The following STAU2 variants were observed in gnomAD, a reference collection of about 807,000 sequenced individuals.
The protein encoded by STAU2 is staufen double-stranded RNA binding protein 2.
STAU2 carries 20 observed loss-of-function variants against 65.9 expected under a neutral mutation model. That is an observed-to-expected ratio of 0.30 (90% CI 0.21 to 0.44). The LOEUF (loss-of-function observed/expected upper bound fraction) is 0.44, where lower values mean the gene tolerates loss of function less well. Among genes scored for constraint, STAU2 ranks in the 20% least tolerant of loss-of-function variants. The pLI, the probability that STAU2 is intolerant of heterozygous loss-of-function variation, is 1.00. For synonymous variants in STAU2, 232 were observed against 233.9 expected, an observed-to-expected ratio of 0.99 and a Z score of 0.07; for missense variants, 558 against 683.9, an observed-to-expected ratio of 0.82 and a Z score of 2.05.
chr8:73,739,330 GA>G (rs796738715), intron 2 of STAU2, among the ~76,000 whole-genome samples: 13 of 151,182 alleles, frequency 8.6e-5, no homozygotes, highest in African/African-American at 3.2e-4. Flanking sequence ...ATCTTGTAAT[GA>G]AAAAAAGTTT....
At chr8:73,669,751 T>C (rs1016994033) in intron 6 of STAU2, among the ~76,000 whole-genome samples, 4 of 152,086 alleles carry the variant, frequency 2.6e-5, no homozygotes, top group African/African-American at 7.2e-5. Flanking sequence ...CCACTTCTTA[T>C]TGACTGACTA....
chr8:73,699,817 TG>T, intron 4 of STAU2, among the ~76,000 whole-genome samples: 1 of 145,934 alleles, frequency 6.9e-6, no homozygotes, highest in East Asian at 2.1e-4. Flanking sequence ...AAACTCATTC[TG>T]TGAGGCCAGT....
chr8:73,453,222 A>G (rs1818892488), intron 13 of STAU2, among the ~76,000 whole-genome samples: 1 of 152,254 alleles, frequency 6.6e-6, no homozygotes, highest in African/African-American at 2.4e-5. Context: ...AAACAAAGAA[A>G]CAAACAAAAG....
At chr8:73,564,357 G>A (rs764780642) in intron 12 of STAU2, among the ~76,000 whole-genome samples, 5 of 152,126 alleles carry the variant, frequency 3.3e-5, no homozygotes, top group African/African-American at 7.2e-5. Context: ...TGGAGCTGGA[G>A]GCCATTTTCC....
chr8:73,476,744 T>G lies in STAU2; in HGVS notation c.1531-54042A>C, dbSNP rs1228942613. Among the ~76,000 whole-genome samples the G allele has an allele frequency of 2.6e-5, 4 of 152,098 alleles. No individual in the cohort carries two copies. In the East Asian group the frequency reaches 7.7e-4, roughly 29 times the overall value. ...CCCTCAGATCACTGGGGGGTGTAGA[T>G]TGTACTTTCCTCTCAAATCTGAGGA... is the stretch of plus-strand genomic sequence containing the variant. On this transcript the variant is annotated intron_variant, in intron 13 of 14. Coordinates refer to ENST00000524300, the MANE Select transcript of STAU2 (RefSeq NM_001164380.2).
intron 13 of STAU2, among the ~76,000 whole-genome samples, chr8:73,427,731 C>A (rs974138188): frequency 1.3e-5 from 2 of 152,266 alleles, no homozygotes; most frequent in Non-Finnish European, 1.5e-5. Context: ...CTCCAAGGAC[C>A]AATCCATGCC....
chr8:73,651,394 G>T, intron 6 of STAU2: 1 of 665,242 alleles, frequency 1.5e-6, no homozygotes, highest in Non-Finnish European at 2.8e-6. Context: ...CCAGGGAAAT[G>T]CAGCTGTCGG....
intron 13 of STAU2, among the ~76,000 whole-genome samples, chr8:73,424,217 T>C (rs1349627861): frequency 6.6e-6 from 1 of 150,452 alleles, no homozygotes; most frequent in Non-Finnish European, 1.5e-5. Flanking sequence ...TTTTTTTTTT[T>C]TTTGACTGAG....
intron 5 of STAU2, among the ~76,000 whole-genome samples, chr8:73,683,411 C>A (rs1420227579): frequency 6.6e-6 from 1 of 152,048 alleles, no homozygotes; most frequent in Non-Finnish European, 1.5e-5. Flanking sequence ...ATCCAGCATC[C>A]CTATATGATT....
intron 9 of STAU2, among the ~76,000 whole-genome samples, chr8:73,611,956 T>C (rs576699705): frequency 6.6e-6 from 1 of 152,294 alleles, no homozygotes; most frequent in Admixed American, 6.5e-5. Flanking sequence ...GTGCTGGGAT[T>C]ACAGGCATGA....
rs3032943 is a variant in STAU2, at chr8:73,495,662, AATATATATATAT to A, written c.1530+56338_1530+56349del. On this transcript the variant is annotated intron_variant, in intron 13 of 14. Transcript: ENST00000524300. ...CTCTAAGGAATGATTCATAAAGCCA[AATATATATATAT>A]ATATATATATATATGTATAGTTAAC... Among the ~76,000 whole-genome samples, 23 of 132,510 alleles carry A rather than the reference AATATATATATAT, an allele frequency of 1.7e-4. 1 individual carries two copies. In the South Asian group the frequency reaches 3.0e-3, roughly 17 times the overall value. The allele number at this position is 132,510 out of a possible 152,430, so 86.9% of individuals were successfully genotyped here.
intron 3 of STAU2, among the ~76,000 whole-genome samples, chr8:73,721,998 T>A (rs1821719315): frequency 6.6e-6 from 1 of 152,192 alleles, no homozygotes; most frequent in African/African-American, 2.4e-5. Flanking sequence ...GGACTTCTGT[T>A]GAATTATTTT....
upstream of STAU2, chr8:73,747,284 G>GGGCA: frequency 7.2e-7 from 1 of 1,380,530 alleles, no homozygotes; most frequent in Admixed American, 2.1e-5. Flanking sequence ...GGTGGGCCTG[G>GGGCA]GGCAGCCCCT....
At chr8:73,569,196 G>A (rs1344694452) in intron 12 of STAU2, among the ~76,000 whole-genome samples, 1 of 152,198 alleles carries the variant, frequency 6.6e-6, no homozygotes, top group Middle Eastern at 3.4e-3. Flanking sequence ...CATGCCTACA[G>A]AGCCTCGCTC....
chr8:73,496,353 TG>T (rs1231884393), intron 13 of STAU2, among the ~76,000 whole-genome samples: 1 of 151,688 alleles, frequency 6.6e-6, no homozygotes, highest in African/African-American at 2.4e-5. Flanking sequence ...GAGGAATCAA[TG>T]CTTACTTAGA....
intron 13 of STAU2, among the ~76,000 whole-genome samples, chr8:73,519,221 C>T (rs1284259198): frequency 1.3e-5 from 2 of 152,068 alleles, no homozygotes; most frequent in Non-Finnish European, 2.9e-5. Context: ...AATGCCAGGA[C>T]CCACTGCAGT....
chr8:73,564,125 G>A (rs760170324), intron 12 of STAU2, among the ~76,000 whole-genome samples: 7 of 152,176 alleles, frequency 4.6e-5, no homozygotes, highest in Non-Finnish European at 7.3e-5. Flanking sequence ...TGGGGTAAAG[G>A]TGAGTGGAAT....
chr8:73,612,316 C>A (rs1812536505), intron 9 of STAU2, among the ~76,000 whole-genome samples: 1 of 152,164 alleles, frequency 6.6e-6, no homozygotes, highest in African/African-American at 2.4e-5. Flanking sequence ...ATACTTATAA[C>A]AATCCCATAC....
chr8:73,443,583 C>T (rs979690104), intron 13 of STAU2, among the ~76,000 whole-genome samples: 1 of 152,250 alleles, frequency 6.6e-6, no homozygotes, highest in Non-Finnish European at 1.5e-5. Context: ...CTGGGTGCAG[C>T]GTATCACACT....
Sources: allele counts gnomAD v4.1 joint callset (sites outside exome capture counted in the v4.1 genomes callset), GRCh38; gene constraint gnomAD v4.1.1; transcripts MANE v1.5; gene names NCBI Gene and HGNC (gene_info 2026-07-23, HGNC 2026-07-21).